Variants in TOX observed in about 807,000 individuals in gnomAD.
The protein encoded by TOX is thymocyte selection-associated high mobility group box protein TOX.
TOX carries 11 observed loss-of-function variants against 53.7 expected under a neutral mutation model. The ratio of observed to expected loss-of-function variants is 0.20; its 90% CI spans 0.13 to 0.34. The LOEUF (loss-of-function observed/expected upper bound fraction) is 0.34. Among genes scored for constraint, TOX ranks in the 10% least tolerant of loss-of-function variants. The pLI, the probability that TOX is intolerant of heterozygous loss-of-function variation, is 1.00. For missense variants in TOX, 570 were observed against 664.6 expected (o/e 0.86, Z 1.56); for synonymous variants, 225 against 245.3 (o/e 0.92, Z 0.77).
intron 7 of TOX, among the ~76,000 whole-genome samples, chr8:58,810,630 C>T (rs754543557): frequency 6.6e-6 from 1 of 151,994 alleles, no homozygotes; most frequent in Non-Finnish European, 1.5e-5. Context: ...TGGGATTACA[C>T]GAGTGAGCTA....
intron 1 of TOX, among the ~76,000 whole-genome samples, chr8:58,969,874 CT>C (rs1251826255): frequency 6.6e-6 from 1 of 152,202 alleles, no homozygotes; most frequent in Non-Finnish European, 1.5e-5. Context: ...CTTATTTATT[CT>C]GCATTGTGAG....
chr8:58,850,837 G>A (rs1810801422), intron 4 of TOX, among the ~76,000 whole-genome samples: 1 of 152,210 alleles, frequency 6.6e-6, no homozygotes, highest in East Asian at 1.9e-4. Flanking sequence ...GGATTGCACA[G>A]CGCTGCTTTT....
intron 3 of TOX, among the ~76,000 whole-genome samples, chr8:58,909,894 G>T (rs1302832285): frequency 6.6e-6 from 1 of 152,126 alleles, no homozygotes; most frequent in African/African-American, 2.4e-5. Flanking sequence ...CTGACCTCAG[G>T]TGATCTGCCT....
At chr8:58,984,032 A>G (rs566960490) in intron 1 of TOX, among the ~76,000 whole-genome samples, 1 of 152,334 alleles carries the variant, frequency 6.6e-6, no homozygotes, top group African/African-American at 2.4e-5. Context: ...GATAAATTAT[A>G]TTTTAGTACC....
chr8:58,922,720 G>C (rs1812093672), intron 3 of TOX, among the ~76,000 whole-genome samples: 1 of 152,156 alleles, frequency 6.6e-6, no homozygotes, highest in Admixed American at 6.5e-5. Flanking sequence ...TCAACTACTT[G>C]AATAAACTAG....
Position 58,815,652 on chromosome 8 carries a change from G to A in TOX, c.1078C>T (p.His360Tyr), listed in dbSNP as rs1158328755. ...GCCGAGTGGGCCTGGCTGGGCCCAT[G>A]GAACACCGACGGCTTCGAATTGATC... ...QLINSKPSVF[H>Y]GPSQAHSALY... is the part of the protein sequence containing the mutation. Residue 360 changes from histidine to tyrosine, a missense_variant, in exon 7 of 9, where the codon CAT becomes TAT. His to Tyr is a moderately conservative substitution (Grantham distance 83). This residue lies in a region of TOX where 239 missense variants were observed against 250.7 expected (regional missense o/e 0.95). Coordinates refer to ENST00000361421, the MANE Select transcript of TOX (RefSeq NM_014729.3). The A allele has an allele frequency of 6.2e-7, 1 of 1,614,136 alleles. No homozygotes were observed. The highest frequency in any genetic ancestry group is 1.7e-5 in the Admixed American group (1 of 60,022).
At chr8:58,893,281 T>C (rs1200428124) in intron 3 of TOX, among the ~76,000 whole-genome samples, 1 of 152,208 alleles carries the variant, frequency 6.6e-6, no homozygotes, top group Non-Finnish European at 1.5e-5. Flanking sequence ...ACAACTTTAT[T>C]CATATCTTCA....
rs200969018 is a variant in TOX at position 58,815,669 on chromosome 8, G to A, written c.1061C>T (p.Ser354Leu). 6.9e-5 allele frequency: 111 copies of A among 1,614,028 alleles called. No homozygotes were observed. Among genetic ancestry groups the A allele is most frequent in the East Asian group, 1.3e-4 (6 of 44,876 alleles). Residue 354 changes from serine to leucine, a missense_variant, in exon 7 of 9, where the codon TCG (serine) becomes TTG (leucine). This residue lies in a region of TOX where 239 missense variants were observed against 250.7 expected (regional missense o/e 0.95). Transcript: ENST00000361421. ...GGGCCCATGGAACACCGACGGCTTC[G>A]AATTGATCAGCTGAGGAGGTTGAGA... Reference protein sequence around the residue: ...KTSQPPQLINSKPSVFHGPSQ... With the variant: ...KTSQPPQLINLKPSVFHGPSQ...
chr8:58,912,382 G>T (rs552287291), intron 3 of TOX, among the ~76,000 whole-genome samples: 2 of 152,100 alleles, frequency 1.3e-5, no homozygotes, highest in Non-Finnish European at 2.9e-5. Flanking sequence ...CAAACTCTGC[G>T]CATGATTCTT....
At chr8:58,990,557 T>C (rs2129417370) in intron 1 of TOX, among the ~76,000 whole-genome samples, 2 of 152,194 alleles carry the variant, frequency 1.3e-5, no homozygotes, top group South Asian at 4.1e-4. Flanking sequence ...CCTCTACATA[T>C]CATACTTGAA....
intron 6 of TOX, among the ~76,000 whole-genome samples, chr8:58,820,741 T>C (rs919879000): frequency 1.3e-5 from 2 of 152,178 alleles, no homozygotes; most frequent in African/African-American, 4.8e-5. Flanking sequence ...CTGACTACAG[T>C]TCTAAAAGAG....
chr8:58,890,232 T>C (rs1000081147), intron 3 of TOX, among the ~76,000 whole-genome samples: 2 of 148,804 alleles, frequency 1.3e-5, no homozygotes, highest in Admixed American at 6.7e-5. Context: ...AGGAATCCAA[T>C]GTAGTTATCA....
At chr8:58,857,596 T>C (rs1810936975) in intron 3 of TOX, among the ~76,000 whole-genome samples, 1 of 152,180 alleles carries the variant, frequency 6.6e-6, no homozygotes, top group African/African-American at 2.4e-5. Context: ...GCTGAAGTCA[T>C]GTATTGTCCC....
intron 1 of TOX, among the ~76,000 whole-genome samples, chr8:59,099,597 G>T (rs1804770260): frequency 6.6e-6 from 1 of 152,148 alleles, no homozygotes; most frequent in Admixed American, 6.5e-5. Flanking sequence ...TACCCATTGG[G>T]TATTAGCACT....
At position 59,060,116 on chromosome 8, in the gene TOX, T is replaced by C. The variant is rs138221596; in HGVS notation, c.102+58770A>G. Among the ~76,000 whole-genome samples, 159 of 152,324 alleles carry C rather than the reference T, an allele frequency of 1.0e-3. 4 individuals carry two copies. In the East Asian group the frequency reaches 0.029, roughly 28 times the overall value. On this transcript the variant is annotated intron_variant, in intron 1 of 8. Coordinates refer to ENST00000361421, the MANE Select transcript of TOX (RefSeq NM_014729.3). ...ATTTCCCGTTTTATTAGGATGCTAT[T>C]ACCTTATCATTTTACCTTGTCTCAG...
At chr8:58,915,543 C>A (rs1230309030) in intron 3 of TOX, among the ~76,000 whole-genome samples, 3 of 131,436 alleles carry the variant, frequency 2.3e-5, no homozygotes, top group Non-Finnish European at 4.8e-5. Flanking sequence ...ACACCGAAAA[C>A]CTATCTGTAC....
chr8:58,992,627 CG>C (rs1353345753), intron 1 of TOX, among the ~76,000 whole-genome samples: 4 of 151,632 alleles, frequency 2.6e-5, no homozygotes, highest in African/African-American at 9.7e-5. Flanking sequence ...TCTCCTCTCA[CG>C]AAAAAAAATA....
chr8:58,929,347 A>G (rs10107452), intron 3 of TOX, among the ~76,000 whole-genome samples: 1,985 of 152,230 alleles, frequency 0.013, 57 homozygotes, highest in African/African-American at 0.046. Context: ...CCAGGACTTC[A>G]TACCTTTTCT....
chr8:59,075,439 G>T (rs1804275608), intron 1 of TOX, among the ~76,000 whole-genome samples: 2 of 152,148 alleles, frequency 1.3e-5, no homozygotes, highest in Non-Finnish European at 2.9e-5. Context: ...CCAAGAGATC[G>T]AGTGAGCAGG....
Sources: allele counts gnomAD v4.1 joint callset (sites outside exome capture counted in the v4.1 genomes callset), GRCh38; gene constraint gnomAD v4.1.1; regional missense constraint gnomAD v4.1.1; transcripts MANE v1.5; gene names NCBI Gene and HGNC (gene_info 2026-07-23, HGNC 2026-07-21).